Variants in FZD3 observed in about 807,000 individuals in gnomAD.
FZD3 encodes the protein frizzled-3.
Under a neutral mutation model 60.7 loss-of-function variants are expected in FZD3, and 30 were observed. The ratio of observed to expected loss-of-function variants is 0.49; its 90% CI spans 0.37 to 0.67. The LOEUF (loss-of-function observed/expected upper bound fraction) is 0.67, where lower values mean the gene tolerates loss of function less well. Ranked by LOEUF, FZD3 falls within the 30% of genes least tolerant of loss-of-function variation. The pLI is 0.00. For synonymous variants in FZD3, 246 were observed against 275.2 expected, an observed-to-expected ratio of 0.89 and a Z score of 1.05; for missense variants, 605 against 838.7, an observed-to-expected ratio of 0.72 and a Z score of 3.44.
intron 5 of FZD3, among the ~76,000 whole-genome samples, chr8:28,545,662 G>A (rs759075382): frequency 6.6e-6 from 1 of 152,224 alleles, no homozygotes; most frequent in Non-Finnish European, 1.5e-5. Flanking sequence ...GAGAACCCAA[G>A]TGGGAATCAC....
chr8:28,535,168 G>C (rs1202391095), intron 5 of FZD3, among the ~76,000 whole-genome samples: 1 of 152,130 alleles, frequency 6.6e-6, no homozygotes. Flanking sequence ...AGAAAAATTG[G>C]CTGGGTGTAA....
chr8:28,540,374 C>T (rs1805132920), intron 5 of FZD3, among the ~76,000 whole-genome samples: 2 of 152,064 alleles, frequency 1.3e-5, no homozygotes, highest in African/African-American at 4.8e-5. Context: ...GGATTACAGG[C>T]GCCCACCACC....
intron 5 of FZD3, among the ~76,000 whole-genome samples, chr8:28,550,440 T>TG (rs202169639): frequency 0.02 from 2,942 of 146,924 alleles, 92 homozygotes; most frequent in African/African-American, 0.069. Context: ...TTCTGCTGTT[T>TG]TTTTTTTTTT....
rs1247713894 is a variant in FZD3, at chr8:28,530,008, G to C, written c.1404+1844G>C. 2.0e-5 allele frequency among the ~76,000 whole-genome samples: 3 copies of C among 151,776 alleles called. No individual in the cohort carries two copies. The East Asian group carries it at 5.8e-4, about 29-fold the overall frequency. ...CTCAAACATGTAAATCAGTAGAGTA[G>C]TTGAGATGCTGCTTTTTTCATGACA... On this transcript the variant is annotated intron_variant, in intron 5 of 7. Transcript: ENST00000240093.
chr8:28,548,155 C>A (rs1805338925), intron 5 of FZD3, among the ~76,000 whole-genome samples: 1 of 151,942 alleles, frequency 6.6e-6, no homozygotes, highest in Non-Finnish European at 1.5e-5. Context: ...GCCCAGCTCA[C>A]TTGTCTCTTT....
chr8:28,551,812 GTTGC>G, intron 6 of FZD3, 61 bp downstream of exon 6: 1 of 1,298,050 alleles, frequency 7.7e-7, no homozygotes, highest in Non-Finnish European at 1.1e-6. Flanking sequence ...ATTTTTTTGT[GTTGC>G]TTATGTTAAA....
intron 5 of FZD3, among the ~76,000 whole-genome samples, chr8:28,535,080 C>G (rs888699865): frequency 6.6e-6 from 1 of 152,070 alleles, no homozygotes; most frequent in Non-Finnish European, 1.5e-5. Context: ...AAAATTAGTT[C>G]CTGAATTTTT....
rs1339964993 is a variant in FZD3, at chr8:28,528,181, T to TA, written c.1404+18dup. The TA allele has an allele frequency of 1.9e-6, 3 of 1,570,738 alleles. No individual in the cohort carries two copies. Among genetic ancestry groups the TA allele is most frequent in the Non-Finnish European group, 2.6e-6 (3 of 1,156,008 alleles). On this transcript the variant is annotated intron_variant, in intron 5 of 7. Transcript: ENST00000240093. ...CCATATCAGGTAAGGGAAACCTTGT[T>TA]ACAAATTTCAGAATATATGATAATG...
At chr8:28,558,442 T>TA (rs1805553471) in intron 7 of FZD3, among the ~76,000 whole-genome samples, 6 of 151,930 alleles carry the variant, frequency 3.9e-5, no homozygotes, top group African/African-American at 1.2e-4. Context: ...ATTTATTTTT[T>TA]TTTTTTGAGG....
chr8:28,528,748 A>C (rs1804785581), intron 5 of FZD3, among the ~76,000 whole-genome samples: 1 of 152,170 alleles, frequency 6.6e-6, no homozygotes, highest in African/African-American at 2.4e-5. Context: ...AACATCTAGT[A>C]CCTTATTTGA....
chr8:28,536,265 C>CT (rs1337332774), intron 5 of FZD3, among the ~76,000 whole-genome samples: 1 of 151,936 alleles, frequency 6.6e-6, no homozygotes, highest in African/African-American at 2.4e-5. Flanking sequence ...TTTTTCATCT[C>CT]TTTCATCCAT....
At chr8:28,507,253 C>T (rs1028741719) in intron 3 of FZD3, among the ~76,000 whole-genome samples, 1 of 151,986 alleles carries the variant, frequency 6.6e-6, no homozygotes, top group Admixed American at 6.6e-5. Context: ...CTTTCCTGTT[C>T]CCCTTTTTTC....
chr8:28,566,601 A>T lies in FZD3; in HGVS notation c.*3590A>T, dbSNP rs1351940726. The T allele has an allele frequency of 6.6e-6, 1 of 152,226 alleles. No homozygotes were observed. The allele number at this position is 152,226 out of a possible 1,614,324, so 9.4% of individuals were successfully genotyped here. A position where few individuals can be genotyped will look rare whatever the true frequency, so the allele number is the denominator to read the frequency against. On this transcript the variant is annotated 3_prime_UTR_variant, in exon 8 of 8. Coordinates refer to ENST00000240093, the MANE Select transcript of FZD3 (RefSeq NM_017412.4). ...AAACTGTACCCATCTTAGTTAGGCT[A>T]TATCTCTGTGAAATGAAAGGAACCA...
At chr8:28,542,903 T>C (rs1315024821) in intron 5 of FZD3, among the ~76,000 whole-genome samples, 1 of 152,204 alleles carries the variant, frequency 6.6e-6, no homozygotes, top group Non-Finnish European at 1.5e-5. Context: ...CTGAGTTAAT[T>C]AGCTGTGTGA....
At position 28,527,555 on chromosome 8, in the gene FZD3, T is replaced by C; in HGVS notation, c.795T>C (p.Asn265=). ...TGCTTGAAGATCGAGTAGCCTGCAA[T>C]GCATCCATCCCTGCACAATATAAGG... is the stretch of plus-strand genomic sequence containing the variant. ...GFLLEDRVAC[N]ASIPAQYKAS... The change falls in exon 5 of 8, where the codon AAT becomes AAC. Residue 265 remains asparagine, a synonymous_variant. Transcript: ENST00000240093. The surrounding 1 kb of genome is among the most constrained non-coding windows in gnomAD (Gnocchi z 5.0). 6.2e-7 allele frequency: 1 copy of C among 1,614,098 alleles called. No individual in the cohort carries two copies.
chr8:28,540,542 C>T (rs955814398), intron 5 of FZD3, among the ~76,000 whole-genome samples: 2 of 151,932 alleles, frequency 1.3e-5, no homozygotes, highest in African/African-American at 2.4e-5. Context: ...GATATAACAT[C>T]AATAGGAATA....
rs570449170 is a variant in FZD3 at position 28,546,390 on chromosome 8, A to G, written c.1405-5213A>G. ...CCTTGACCCAGAGAGCCAGTTGTTAAAACATTTACCAGCACACCACTGTCT... is the reference window on the plus strand; with the variant it reads ...CCTTGACCCAGAGAGCCAGTTGTTAGAACATTTACCAGCACACCACTGTCT... On this transcript the variant is annotated intron_variant, in intron 5 of 7. Coordinates refer to ENST00000240093, the MANE Select transcript of FZD3 (RefSeq NM_017412.4). 3.9e-5 allele frequency among the ~76,000 whole-genome samples: 6 copies of G among 152,344 alleles called. No individual in the cohort carries two copies. In the South Asian group the frequency reaches 1.0e-3, roughly 26 times the overall value.
chr8:28,558,164 A>G (rs1382513312), intron 7 of FZD3, among the ~76,000 whole-genome samples: 2 of 152,176 alleles, frequency 1.3e-5, no homozygotes, highest in Non-Finnish European at 2.9e-5. Flanking sequence ...GCAGTGAGAA[A>G]CTATCATAGG....
intron 7 of FZD3, 25 bp from the exon 8 acceptor site, chr8:28,562,773 A>G (rs774296309): frequency 1.0e-5 from 14 of 1,346,218 alleles, no homozygotes; most frequent in Non-Finnish European, 5.3e-6. Context: ...TCTGTTACCC[A>G]CTTCAAAATA....
Sources: gnomAD v4.1 joint callset for allele counts (sites outside exome capture counted in the v4.1 genomes callset) on GRCh38, gnomAD v4.1.1 for gene constraint, Gnocchi (gnomAD v3.1) non-coding constraint, MANE v1.5 for transcripts, NCBI Gene and HGNC (gene_info 2026-07-23, HGNC 2026-07-21) for gene names.